Variants in MPRIP observed in about 807,000 individuals in gnomAD.
The protein encoded by MPRIP is myosin phosphatase Rho interacting protein.
Under a neutral mutation model 234.9 loss-of-function variants are expected in MPRIP, and 59 were observed. That is an observed-to-expected ratio of 0.25 (90% CI 0.20 to 0.31). The LOEUF (loss-of-function observed/expected upper bound fraction) is 0.31, where lower values mean the gene tolerates loss of function less well. MPRIP is among the 10% of genes least tolerant of loss of function. MPRIP has a pLI of 1.00. For missense variants in MPRIP, 2,436 were observed against 3,071.0 expected (o/e 0.79, Z 4.89); for synonymous variants, 1,144 against 1,263.9 (o/e 0.91, Z 2.01).
At chr17:17,053,472 G>A (rs1400466275) in intron 1 of MPRIP, among the ~76,000 whole-genome samples, 1 of 152,112 alleles carries the variant, frequency 6.6e-6, no homozygotes, top group Non-Finnish European at 1.5e-5. Flanking sequence ...AATGGGGTCC[G>A]TTTTATCAGC....
In MPRIP at chr17:17,157,208, C is replaced by T. The variant is rs114659494; in HGVS notation, c.1830-1224C>T. Among the ~76,000 whole-genome samples the T allele has an allele frequency of 6.2e-3, 938 of 152,332 alleles. 16 individuals carry two copies. Among genetic ancestry groups the T allele is most frequent in the African/African-American group, 0.021 (885 of 41,566 alleles). On this transcript the variant is annotated intron_variant, in intron 13 of 23. Coordinates refer to ENST00000651222, the MANE Select transcript of MPRIP (RefSeq NM_001364716.4). ...GTCCCTGTCCCTGCCCTACTGCAGA[C>T]GAGGCCTCCCCAGGAATCTCTGCTT...
At chr17:17,126,413 T>TGTCACCGCAGCTGTCCCC (rs2090491216) in intron 3 of MPRIP, among the ~76,000 whole-genome samples, 1 of 152,162 alleles carries the variant, frequency 6.6e-6, no homozygotes, top group Admixed American at 6.5e-5. Context: ...CAGCTGCCCC[T>TGTCACCGCAGCTGTCCCC]GTCACCGCAG....
chr17:17,102,673 T>G lies in MPRIP; in HGVS notation c.268-24029T>G, dbSNP rs529878773. Among the ~76,000 whole-genome samples the G allele has an allele frequency of 7.2e-5, 11 of 152,188 alleles. No individual in the cohort carries two copies. The South Asian group carries it at 1.0e-3, about 14-fold the overall frequency. On this transcript the variant is annotated intron_variant, in intron 3 of 23. Transcript: ENST00000651222. Reference sequence around the variant, plus strand: ...ACACACCCCCAAGAGAGGCCAGGCCTGGGCTGACACAGGTACCCCTCACTC... The same window carrying G: ...ACACACCCCCAAGAGAGGCCAGGCCGGGGCTGACACAGGTACCCCTCACTC...
chr17:17,086,821 G>T (rs996600284), intron 3 of MPRIP, among the ~76,000 whole-genome samples: 1 of 152,196 alleles, frequency 6.6e-6, no homozygotes, highest in African/African-American at 2.4e-5. Flanking sequence ...GCACGTAGAG[G>T]TCGGAGCATT....
In MPRIP at chr17:17,042,979, A is replaced by C. The variant is rs1345552562; in HGVS notation, c.123+8A>C. Reference sequence around the variant, plus strand: ...GACGAGGACCTGACGCAGGTGAGCGACTGGGGCCGGCCCGGACACCTCCGT... The same window carrying C: ...GACGAGGACCTGACGCAGGTGAGCGCCTGGGGCCGGCCCGGACACCTCCGT... On this transcript the variant is annotated splice_region_variant and intron_variant, in intron 1 of 23. Coordinates refer to ENST00000651222, the MANE Select transcript of MPRIP (RefSeq NM_001364716.4). 1.9e-6 allele frequency: 3 copies of C among 1,608,848 alleles called. No individual in the cohort carries two copies.
chr17:17,172,409 AT>A (rs1555595743), intron 17 of MPRIP, among the ~76,000 whole-genome samples: 8 of 152,248 alleles, frequency 5.3e-5, no homozygotes, highest in Non-Finnish European at 1.5e-5. Context: ...TCATGTTGGA[AT>A]TTAACAATGA....
Position 17,078,718 on chromosome 17 carries a change from A to G in MPRIP, c.267+642A>G, listed in dbSNP as rs2089393555. On this transcript the variant is annotated intron_variant, in intron 3 of 23. Coordinates refer to ENST00000651222, the MANE Select transcript of MPRIP (RefSeq NM_001364716.4). The surrounding 1 kb of genome is among the most constrained non-coding windows in gnomAD (Gnocchi z 4.3). ...CCAAACCTGAAAATCAACTAGGTGG[A>G]ATTTCTGGCTTTTCTTTTTCCACCC... Among the ~76,000 whole-genome samples the G allele has an allele frequency of 6.6e-6, 1 of 152,094 alleles. No individual in the cohort carries two copies. Among genetic ancestry groups the G allele is most frequent in the Admixed American group, 6.5e-5 (1 of 15,282 alleles).
At chr17:17,101,035 G>A (rs2089950188) in intron 3 of MPRIP, among the ~76,000 whole-genome samples, 1 of 152,182 alleles carries the variant, frequency 6.6e-6, no homozygotes, top group Admixed American at 6.5e-5. Context: ...ACTCAGTGGA[G>A]CGCTATATCC....
At chr17:17,095,854 C>T (rs2089826198) in intron 3 of MPRIP, among the ~76,000 whole-genome samples, 1 of 152,194 alleles carries the variant, frequency 6.6e-6, no homozygotes, top group Non-Finnish European at 1.5e-5. Flanking sequence ...AGCCTGCCTC[C>T]TCCTAGCTGT....
At chr17:17,073,257 C>T (rs1295296812) in intron 1 of MPRIP, among the ~76,000 whole-genome samples, 1 of 152,186 alleles carries the variant, frequency 6.6e-6, no homozygotes, top group Non-Finnish European at 1.5e-5. Context: ...CGCCCACCTG[C>T]ATCAGTCCCC....
intron 3 of MPRIP, among the ~76,000 whole-genome samples, chr17:17,110,409 A>C (rs185547741): frequency 2.0e-5 from 3 of 152,376 alleles, no homozygotes; most frequent in Admixed American, 1.3e-4. Context: ...TATTGGCATA[A>C]GGAAATCATT....
rs1026413132 is a variant in MPRIP, at chr17:17,158,854, A to G, written c.2252A>G (p.His751Arg). Residue 751 changes from histidine (H) to arginine (R), a missense_variant, in exon 14 of 24, where the codon CAC becomes CGC. His to Arg is a conservative substitution (Grantham distance 29). Transcript: ENST00000651222. Reference sequence around the variant, plus strand: ...AGCGACCTCAAAACGCATAACGTCCACGTGGAGATTGAGCAGCGGTGGCAT... The same window carrying G: ...AGCGACCTCAAAACGCATAACGTCCGCGTGGAGATTGAGCAGCGGTGGCAT... ...PMSDLKTHNV[H>R]VEIEQRWHQV... is the part of the protein sequence containing the mutation. 1.9e-6 allele frequency: 3 copies of G among 1,611,862 alleles called. No individual in the cohort carries two copies. Among genetic ancestry groups the G allele is most frequent in the African/African-American group, 2.7e-5 (2 of 75,034 alleles).
chr17:17,137,843 T>TA lies in MPRIP; in HGVS notation c.737-63dup, dbSNP rs1027337094. On this transcript the variant is annotated intron_variant, in intron 6 of 23. Transcript: ENST00000651222. ...CCCTGCTTGGATCCTACATGGGCTT[T>TA]AAAAAAAAAAGTCCTCAAAGCAAAG... The TA allele has an allele frequency of 4.2e-3, 4,847 of 1,147,710 alleles. 1 individual carries two copies. Among genetic ancestry groups the TA allele is most frequent in the South Asian group, 6.8e-3 (373 of 54,812 alleles). 71.1% of individuals were successfully genotyped at this position (1,147,710 alleles called of 1,614,324 possible). A position where few individuals can be genotyped will look rare whatever the true frequency, so the allele number is the denominator to read the frequency against.
In MPRIP at chr17:17,172,698, C is replaced by T; in HGVS notation, c.6473C>T (p.Ala2158Val). 6.2e-7 allele frequency: 1 copy of T among 1,610,480 alleles called. No homozygotes were observed. The highest frequency in any genetic ancestry group is 8.5e-7 in the Non-Finnish European group (1 of 1,179,620). Residue 2158 changes from alanine (A) to valine (V), a missense_variant and splice_region_variant, in exon 18 of 24, where the codon GCC (alanine) becomes GTC (valine). Ala to Val is a moderately conservative substitution (Grantham distance 64). This residue lies in a region of MPRIP where 1,998 missense variants were observed against 2,520.3 expected (regional missense o/e 0.79). Transcript: ENST00000651222. ...GCTGAGGCCGTGTCCTTGCCTGCAGCCATCGAAGCCATGAAGAACGCCCAC... is the reference window on the plus strand; with the variant it reads ...GCTGAGGCCGTGTCCTTGCCTGCAGTCATCGAAGCCATGAAGAACGCCCAC... ...LAEETAATIS[A>V]IEAMKNAHRE...
chr17:17,086,902 C>G (rs1160857594), intron 3 of MPRIP, among the ~76,000 whole-genome samples: 1 of 152,164 alleles, frequency 6.6e-6, no homozygotes, highest in African/African-American at 2.4e-5. Context: ...AAGCCCCCTC[C>G]CTTCCTTTTG....
At chr17:17,071,355 G>T (rs1343845343) in intron 1 of MPRIP, among the ~76,000 whole-genome samples, 2 of 152,110 alleles carry the variant, frequency 1.3e-5, no homozygotes, top group Non-Finnish European at 2.9e-5. Flanking sequence ...GCGTTTTCAG[G>T]TTGCCAGTTT....
At chr17:17,088,738 C>T (rs904751245) in intron 3 of MPRIP, among the ~76,000 whole-genome samples, 2 of 152,220 alleles carry the variant, frequency 1.3e-5, no homozygotes, top group Admixed American at 6.5e-5. Context: ...TATATCATGT[C>T]CAAAAACAGT....
At chr17:17,060,928 A>G (rs1219121625) in intron 1 of MPRIP, among the ~76,000 whole-genome samples, 1 of 152,226 alleles carries the variant, frequency 6.6e-6, no homozygotes, top group Non-Finnish European at 1.5e-5. Context: ...TAGTAGTTCT[A>G]GCACAGTTTG....
At chr17:17,177,494 T>G in intron 22 of MPRIP, 82 bp downstream of exon 22, 1 of 1,467,918 alleles carries the variant, frequency 6.8e-7, no homozygotes, top group Non-Finnish European at 9.3e-7. Flanking sequence ...GGTGCTTGAC[T>G]TGAAGCAGAA....
Sources: gnomAD v4.1 joint callset for allele counts (sites outside exome capture counted in the v4.1 genomes callset) on GRCh38, gnomAD v4.1.1 for gene constraint, gnomAD v4.1.1 regional missense constraint, Gnocchi (gnomAD v3.1) non-coding constraint, MANE v1.5 for transcripts, NCBI Gene and HGNC (gene_info 2026-07-23, HGNC 2026-07-21) for gene names.